MSI2: variants seen among roughly 807,000 people sequenced by gnomAD.
MSI2 encodes the protein musashi RNA binding protein 2, also known as RNA-binding protein Musashi homolog 2.
In MSI2, 17 loss-of-function variants were observed where a neutral mutation model predicts 45.6. The observed-to-expected ratio is 0.37, with a 90% CI of 0.26 to 0.56. MSI2 has a LOEUF of 0.56. Among genes scored for constraint, MSI2 ranks in the 20% least tolerant of loss-of-function variants. The probability of loss-of-function intolerance (pLI) is 0.77; values close to 1 mark genes in which losing one functional copy is unlikely to be tolerated. For missense variants in MSI2, 293 were observed against 444.2 expected (o/e 0.66, Z 3.06); for synonymous variants, 156 against 158.2 (o/e 0.99, Z 0.11).
At chr17:57,288,555 C>T (rs1251391724) in intron 5 of MSI2, among the ~76,000 whole-genome samples, 1 of 152,190 alleles carries the variant, frequency 6.6e-6, no homozygotes, top group African/African-American at 2.4e-5. Context: ...GAGCAGCGTG[C>T]ACCGGAGACT....
At chr17:57,594,054 G>T (rs543223986) in intron 7 of MSI2, among the ~76,000 whole-genome samples, 1 of 152,350 alleles carries the variant, frequency 6.6e-6, no homozygotes, top group South Asian at 2.1e-4. Flanking sequence ...TTAGCAAGAT[G>T]CTCAGACCCT....
intron 5 of MSI2, among the ~76,000 whole-genome samples, chr17:57,291,056 C>T (rs1200741145): frequency 1.3e-5 from 2 of 152,204 alleles, no homozygotes; most frequent in Non-Finnish European, 2.9e-5. Flanking sequence ...GACTTGTCTC[C>T]TCTGGCCCAT....
At chr17:57,315,119 A>C (rs771470285) in intron 5 of MSI2, among the ~76,000 whole-genome samples, 3 of 152,170 alleles carry the variant, frequency 2.0e-5, no homozygotes, top group Non-Finnish European at 4.4e-5. Flanking sequence ...GTGGGGAGCC[A>C]GGAAGAGTTT....
chr17:57,532,083 G>A (rs1386512230), intron 7 of MSI2: 1 of 152,452 alleles, frequency 6.6e-6, no homozygotes, highest in African/African-American at 2.4e-5. Context: ...GCACTGGCAG[G>A]AAGGAGCGTG....
At chr17:57,351,770 C>T (rs186332237) in intron 5 of MSI2, among the ~76,000 whole-genome samples, 3 of 152,156 alleles carry the variant, frequency 2.0e-5, no homozygotes, top group South Asian at 2.1e-4. Context: ...GAAGGAGAAG[C>T]GTTTGAACCC....
chr17:57,653,063 G>C (rs915846633), intron 11 of MSI2, among the ~76,000 whole-genome samples: 1 of 151,438 alleles, frequency 6.6e-6, no homozygotes, highest in Non-Finnish European at 1.5e-5. Context: ...CCAGGGAAGC[G>C]CCTAGTTTGA....
At chr17:57,275,709 C>T (rs1470817327) in intron 5 of MSI2, among the ~76,000 whole-genome samples, 2 of 151,854 alleles carry the variant, frequency 1.3e-5, no homozygotes, top group Non-Finnish European at 2.9e-5. Context: ...GGATGGAGTG[C>T]GTGTGAATGT....
chr17:57,307,373 C>G (rs1912009239), intron 5 of MSI2, among the ~76,000 whole-genome samples: 1 of 152,142 alleles, frequency 6.6e-6, no homozygotes, highest in East Asian at 1.9e-4. Flanking sequence ...TGCTTCTGGA[C>G]TGCAACATGG....
chr17:57,665,433 T>A (rs1425046810), intron 11 of MSI2, among the ~76,000 whole-genome samples: 1 of 152,180 alleles, frequency 6.6e-6, no homozygotes, highest in Non-Finnish European at 1.5e-5. Context: ...GGCTAATTAG[T>A]GACATGTATG....
At chr17:57,537,415 C>A (rs1041290643) in intron 7 of MSI2, among the ~76,000 whole-genome samples, 2 of 152,200 alleles carry the variant, frequency 1.3e-5, no homozygotes, top group African/African-American at 4.8e-5. Context: ...CAGAGACCAG[C>A]CCCGGAGCTG....
At chr17:57,396,652 TG>T (rs1414400924) in intron 5 of MSI2, among the ~76,000 whole-genome samples, 6 of 152,316 alleles carry the variant, frequency 3.9e-5, no homozygotes, top group Admixed American at 6.5e-5. Context: ...CAAACGGGAA[TG>T]GGTGCTGGGG....
chr17:57,515,841 A>G (rs1382631591), intron 6 of MSI2, among the ~76,000 whole-genome samples: 43 of 152,212 alleles, frequency 2.8e-4, no homozygotes, highest in Non-Finnish European at 5.9e-5. Context: ...TTTGTATTAT[A>G]AACAGATCTG....
At chr17:57,269,841 T>A (rs1598050456) in intron 5 of MSI2, among the ~76,000 whole-genome samples, 1 of 152,114 alleles carries the variant, frequency 6.6e-6, no homozygotes, top group East Asian at 1.9e-4. Context: ...CGCCTTTGGC[T>A]GAGTGTCTGC....
At chr17:57,518,436 C>G (rs1462656946) in intron 6 of MSI2, among the ~76,000 whole-genome samples, 2 of 152,112 alleles carry the variant, frequency 1.3e-5, no homozygotes, top group African/African-American at 4.8e-5. Flanking sequence ...TATTTCATGC[C>G]CATCAATATC....
intron 7 of MSI2, among the ~76,000 whole-genome samples, chr17:57,534,831 A>G (rs143199663): frequency 1.9e-4 from 29 of 152,346 alleles, no homozygotes; most frequent in African/African-American, 3.6e-4. Context: ...TGGCTTTCCA[A>G]TCTTCTCAGA....
At chr17:57,555,542 A>T (rs141809134) in intron 7 of MSI2, among the ~76,000 whole-genome samples, 1 of 151,732 alleles carries the variant, frequency 6.6e-6, no homozygotes, top group Non-Finnish European at 1.5e-5. Flanking sequence ...ATTAACCCCT[A>T]CCCACCTTTC....
Position 57,506,612 on chromosome 17 carries a change from G to A in MSI2, c.406-23064G>A, listed in dbSNP as rs533361232. ...GCAGGTCTTCCCCTGGCCTTCCGAG[G>A]GAGTAGGGAGAAGGCTGCTGTCGGG... is the stretch of plus-strand genomic sequence containing the variant. On this transcript the variant is annotated intron_variant, in intron 6 of 13. Coordinates refer to ENST00000284073, the MANE Select transcript of MSI2 (RefSeq NM_138962.4). Among the ~76,000 whole-genome samples the A allele has an allele frequency of 9.2e-5, 14 of 152,294 alleles. No individual in the cohort carries two copies. In the South Asian group the frequency reaches 2.7e-3, roughly 29 times the overall value.
At chr17:57,442,544 C>T (rs1211781973) in intron 6 of MSI2, among the ~76,000 whole-genome samples, 1 of 152,160 alleles carries the variant, frequency 6.6e-6, no homozygotes, top group Non-Finnish European at 1.5e-5. Context: ...ATCTCCCCTC[C>T]CCTTCTCCCG....
intron 6 of MSI2, among the ~76,000 whole-genome samples, chr17:57,420,907 C>T (rs888417987): frequency 6.6e-6 from 1 of 152,228 alleles, no homozygotes; most frequent in African/African-American, 2.4e-5. Flanking sequence ...GCGAGCATCG[C>T]CGCTTTAATG....
Sources: allele counts gnomAD v4.1 joint callset (sites outside exome capture counted in the v4.1 genomes callset), GRCh38; gene constraint gnomAD v4.1.1; transcripts MANE v1.5; gene names NCBI Gene and HGNC (gene_info 2026-07-23, HGNC 2026-07-21).